The following BCL2L13 variants were observed in gnomAD, a reference collection of about 807,000 sequenced individuals.
The protein encoded by BCL2L13 is bcl-2-like protein 13.
A neutral mutation model predicts 25.8 loss-of-function variants in BCL2L13; 13 were observed. The ratio of observed to expected loss-of-function variants is 0.50; its 90% CI spans 0.33 to 0.80. The LOEUF (loss-of-function observed/expected upper bound fraction) is 0.80. BCL2L13 is among the 30% of genes least tolerant of loss of function. The pLI is 0.02. For missense variants in BCL2L13, 504 were observed against 574.9 expected, an observed-to-expected ratio of 0.88 and a Z score of 1.26; for synonymous variants, 244 against 230.3, an observed-to-expected ratio of 1.06 and a Z score of -0.54.
intron 2 of BCL2L13, among the ~76,000 whole-genome samples, chr22:17,677,543 C>T (rs960241593): frequency 2.6e-5 from 4 of 152,052 alleles, no homozygotes; most frequent in Non-Finnish European, 5.9e-5. Flanking sequence ...ACCAGCCTGG[C>T]CAACAAGGCA....
At chr22:17,652,091 G>A (rs140226645) in intron 1 of BCL2L13, among the ~76,000 whole-genome samples, 3 of 152,164 alleles carry the variant, frequency 2.0e-5, no homozygotes, top group African/African-American at 4.8e-5. Flanking sequence ...TTATGGTGGG[G>A]TTACATTCTG....
chr22:17,632,376 T>A (rs1193650655), intron 1 of BCL2L13, among the ~76,000 whole-genome samples: 1 of 152,176 alleles, frequency 6.6e-6, no homozygotes, highest in Non-Finnish European at 1.5e-5. Flanking sequence ...ACTGATGCAA[T>A]TGACCTTAAC....
At chr22:17,640,725 C>A (rs2058245925) in intron 1 of BCL2L13, among the ~76,000 whole-genome samples, 1 of 150,998 alleles carries the variant, frequency 6.6e-6, no homozygotes, top group African/African-American at 2.4e-5. Context: ...ATTAGCCAGG[C>A]ATAGGTCCCA....
intron 2 of BCL2L13, among the ~76,000 whole-genome samples, chr22:17,673,878 A>T (rs35945753): frequency 6.6e-6 from 1 of 151,858 alleles, no homozygotes; most frequent in African/African-American, 2.4e-5. Flanking sequence ...CCATGTATAC[A>T]TAGAGAATAC....
At chr22:17,667,721 C>G (rs112179389) in intron 2 of BCL2L13, among the ~76,000 whole-genome samples, 4,580 of 151,660 alleles carry the variant, frequency 0.03, 87 homozygotes, top group Middle Eastern at 0.096. Context: ...GTTGGCGAGG[C>G]TGGTCTGGAA....
At chr22:17,631,471 A>G (rs1302131748) in intron 1 of BCL2L13, among the ~76,000 whole-genome samples, 2 of 151,286 alleles carry the variant, frequency 1.3e-5, no homozygotes. Context: ...CATGTGTGAT[A>G]TTGTGTCCTC....
chr22:17,712,164 G>A (rs1361819116), intron 6 of BCL2L13, among the ~76,000 whole-genome samples: 2 of 152,188 alleles, frequency 1.3e-5, no homozygotes, highest in East Asian at 3.9e-4. Context: ...GATAAAATTG[G>A]ATGATCTTCT....
chr22:17,639,558 G>C (rs1432580806), intron 1 of BCL2L13, among the ~76,000 whole-genome samples: 1 of 152,146 alleles, frequency 6.6e-6, no homozygotes, highest in Non-Finnish European at 1.5e-5. Context: ...GGACGGATCT[G>C]GCCAGTTGTT....
chr22:17,638,804 A>G lies in BCL2L13; in HGVS notation c.-133A>G, dbSNP rs938727333. 14 of 1,231,660 alleles carry G rather than the reference A, an allele frequency of 1.1e-5. No individual in the cohort carries two copies. Among genetic ancestry groups the G allele is most frequent in the East Asian group, 3.2e-5 (1 of 31,692 alleles). The allele number at this position is 1,231,660 out of a possible 1,614,324, so 76.3% of individuals were successfully genotyped here. A position where few individuals can be genotyped will look rare whatever the true frequency, so the allele number is the denominator to read the frequency against. On this transcript the variant is annotated 5_prime_UTR_variant, in exon 1 of 7. Coordinates refer to ENST00000317582, the MANE Select transcript of BCL2L13 (RefSeq NM_015367.4). ...GTAGATTAGGGCCGCGGGTCGGAGC[A>G]CTCACCGCCGCTGGGGGACCCTGTC...
At chr22:17,658,425 C>T (rs2058954642) in intron 2 of BCL2L13, among the ~76,000 whole-genome samples, 1 of 151,908 alleles carries the variant, frequency 6.6e-6, no homozygotes, top group South Asian at 2.1e-4. Flanking sequence ...GGGTGGGGTG[C>T]CTCATGCCTG....
chr22:17,697,232 A>C (rs984120323), intron 5 of BCL2L13, among the ~76,000 whole-genome samples: 73 of 152,148 alleles, frequency 4.8e-4, no homozygotes, highest in Admixed American at 3.7e-3. Context: ...TGAGGTTGAG[A>C]GTTTGCAACC....
chr22:17,683,207 C>A lies in BCL2L13; in HGVS notation c.122-7C>A. ...CTTTCAATAATAACCTTTTTTGTTGCTTTCAGGGGTTCAACTAGATATAGC... is the reference window on the plus strand; with the variant it reads ...CTTTCAATAATAACCTTTTTTGTTGATTTCAGGGGTTCAACTAGATATAGC... On this transcript the variant is annotated splice_region_variant and splice_polypyrimidine_tract_variant and intron_variant, in intron 2 of 6. Coordinates refer to ENST00000317582, the MANE Select transcript of BCL2L13 (RefSeq NM_015367.4). 1 of 1,443,078 alleles carries A rather than the reference C, an allele frequency of 6.9e-7. No individual in the cohort carries two copies. The highest frequency in any genetic ancestry group is 9.6e-7 in the Non-Finnish European group (1 of 1,040,952). 89.4% of individuals were successfully genotyped at this position (1,443,078 alleles called of 1,614,324 possible). A position where few individuals can be genotyped will look rare whatever the true frequency, so the allele number is the denominator to read the frequency against.
chr22:17,693,767 G>A (rs1020514681), intron 4 of BCL2L13, among the ~76,000 whole-genome samples: 1 of 150,872 alleles, frequency 6.6e-6, no homozygotes, highest in Non-Finnish European at 1.5e-5. Flanking sequence ...ATGGAGTTTC[G>A]CTCTTGTTGC....
At chr22:17,711,137 T>C (rs1341756873) in intron 6 of BCL2L13, among the ~76,000 whole-genome samples, 3 of 151,598 alleles carry the variant, frequency 2.0e-5, no homozygotes, top group African/African-American at 7.2e-5. Flanking sequence ...TGGGAGGATC[T>C]ATTGAGCCCA....
In BCL2L13 at chr22:17,729,595, G is replaced by A. The variant is rs1030929209; in HGVS notation, c.*2061G>A. 1 of 152,208 alleles carries A rather than the reference G, an allele frequency of 6.6e-6. No homozygotes were observed. Among genetic ancestry groups the A allele is most frequent in the Admixed American group, 6.5e-5 (1 of 15,280 alleles). 9.4% of individuals were successfully genotyped at this position (152,208 alleles called of 1,614,324 possible). A position where few individuals can be genotyped will look rare whatever the true frequency, so the allele number is the denominator to read the frequency against. On this transcript the variant is annotated 3_prime_UTR_variant, in exon 7 of 7. Transcript: ENST00000317582. Reference sequence around the variant, plus strand: ...GCATTCAAGCACCAATCGAAGCCAGGTTCATCTCTGAGCTGCTGAAAGGAG... The same window carrying A: ...GCATTCAAGCACCAATCGAAGCCAGATTCATCTCTGAGCTGCTGAAAGGAG...
intron 1 of BCL2L13, among the ~76,000 whole-genome samples, chr22:17,643,466 G>A (rs9618080): frequency 0.019 from 2,901 of 151,952 alleles, 84 homozygotes; most frequent in African/African-American, 0.067. Flanking sequence ...AATTCAATAG[G>A]AGCTGGCAAA....
At chr22:17,696,888 G>A (rs1021607742) in intron 5 of BCL2L13, among the ~76,000 whole-genome samples, 1 of 152,086 alleles carries the variant, frequency 6.6e-6, no homozygotes, top group Non-Finnish European at 1.5e-5. Context: ...GCAGGGTATA[G>A]GGGGATGCAG....
intron 1 of BCL2L13, among the ~76,000 whole-genome samples, chr22:17,632,234 T>C (rs1282760758): frequency 6.6e-6 from 1 of 152,162 alleles, no homozygotes; most frequent in East Asian, 1.9e-4. Flanking sequence ...TGCCATTTTT[T>C]CCATTTGTAC....
chr22:17,685,110 G>C (rs145938347), intron 3 of BCL2L13, among the ~76,000 whole-genome samples: 230 of 152,008 alleles, frequency 1.5e-3, no homozygotes, highest in African/African-American at 5.3e-3. Flanking sequence ...CTGACCTCAG[G>C]TGATCCGCCC....
Sources: allele counts gnomAD v4.1 joint callset (sites outside exome capture counted in the v4.1 genomes callset), GRCh38; gene constraint gnomAD v4.1.1; transcripts MANE v1.5; gene names NCBI Gene and HGNC (gene_info 2026-07-23, HGNC 2026-07-21).